LAMC3: variants seen among roughly 807,000 people sequenced by gnomAD.
The protein encoded by LAMC3 is laminin subunit gamma-3.
Under a neutral mutation model 173.8 loss-of-function variants are expected in LAMC3, and 128 were observed. That is an observed-to-expected ratio of 0.74 (90% CI 0.64 to 0.85). The LOEUF (loss-of-function observed/expected upper bound fraction) is 0.85. Ranked by LOEUF, LAMC3 falls within the 40% of genes least tolerant of loss-of-function variation. The pLI is 0.00. For missense variants in LAMC3, 2,022 were observed against 2,156.0 expected, an observed-to-expected ratio of 0.94 and a Z score of 1.23; for synonymous variants, 897 against 909.1, an observed-to-expected ratio of 0.99 and a Z score of 0.24.
At chr9:131,063,695 G>A (rs1465439757) in intron 13 of LAMC3, among the ~76,000 whole-genome samples, 1 of 152,156 alleles carries the variant, frequency 6.6e-6, no homozygotes, top group African/African-American at 2.4e-5. Flanking sequence ...CCTGCCCTAT[G>A]AGCTGTCCTC....
At chr9:131,084,570 C>T (rs1258174863) in intron 24 of LAMC3, among the ~76,000 whole-genome samples, 1 of 151,944 alleles carries the variant, frequency 6.6e-6, no homozygotes, top group African/African-American at 2.4e-5. Flanking sequence ...AAGAAATAAA[C>T]TACTTCTTAT....
chr9:131,069,575 C>T, intron 16 of LAMC3, 97 bp from the exon 17 acceptor site: 3 of 1,297,598 alleles, frequency 2.3e-6, no homozygotes, highest in Non-Finnish European at 3.3e-6. Flanking sequence ...TGGGAACACC[C>T]AGAACCCAGC....
At chr9:131,064,900 G>A (rs866306701) in intron 13 of LAMC3, among the ~76,000 whole-genome samples, 1 of 151,946 alleles carries the variant, frequency 6.6e-6, no homozygotes, top group Admixed American at 6.6e-5. Flanking sequence ...AATTAGCTGG[G>A]TGTGGTGGTG....
In LAMC3 at chr9:131,091,871, A is replaced by T; in HGVS notation, c.*84A>T. On this transcript the variant is annotated 3_prime_UTR_variant, in exon 28 of 28. Transcript: ENST00000361069. The stretch of plus-strand genomic sequence containing the variant: ...TGCACACTACCCCACAGGTGTGCCC[A>T]TACAGACATTCCCCGGAGCCGGCTG... 1 of 1,525,524 alleles carries T rather than the reference A, an allele frequency of 6.6e-7. No homozygotes were observed. Among genetic ancestry groups the T allele is most frequent in the South Asian group, 1.2e-5 (1 of 86,754 alleles). 94.5% of individuals were successfully genotyped at this position (1,525,524 alleles called of 1,614,324 possible). A position where few individuals can be genotyped will look rare whatever the true frequency, so the allele number is the denominator to read the frequency against.
At chr9:131,053,255 G>T (rs1834335275) in intron 11 of LAMC3, among the ~76,000 whole-genome samples, 1 of 152,126 alleles carries the variant, frequency 6.6e-6, no homozygotes, top group Non-Finnish European at 1.5e-5. Flanking sequence ...AGACCCGCTG[G>T]GTGTGCTCAC....
chr9:131,069,179 C>A, intron 16 of LAMC3, 129 bp downstream of exon 16: 3 of 1,084,982 alleles, frequency 2.8e-6, no homozygotes, highest in Non-Finnish European at 2.7e-6. Flanking sequence ...GTCCCGAGAG[C>A]AGCCGGAAGC....
At chr9:131,045,245 AC>A (rs1383807533) in intron 7 of LAMC3, among the ~76,000 whole-genome samples, 9 of 149,866 alleles carry the variant, frequency 6.0e-5, no homozygotes, top group African/African-American at 2.3e-4. Context: ...AACAACAACA[AC>A]AAAAAAACAA....
At chr9:131,020,044 G>C (rs956034553) in intron 1 of LAMC3, among the ~76,000 whole-genome samples, 1 of 152,116 alleles carries the variant, frequency 6.6e-6, no homozygotes, top group South Asian at 2.1e-4. Flanking sequence ...AGCTCAGTAC[G>C]AAGAGGCTTA....
chr9:131,044,767 C>G (rs947926289), intron 7 of LAMC3, among the ~76,000 whole-genome samples: 7 of 152,184 alleles, frequency 4.6e-5, no homozygotes, highest in African/African-American at 1.7e-4. Flanking sequence ...TCTAAAAATA[C>G]CTGATCAGTG....
At chr9:131,085,068 C>T (rs1830307037) in intron 24 of LAMC3, among the ~76,000 whole-genome samples, 1 of 152,144 alleles carries the variant, frequency 6.6e-6, no homozygotes, top group Admixed American at 6.6e-5. Context: ...TCTCCCTCTC[C>T]TCTGTCCTTC....
intron 3 of LAMC3, among the ~76,000 whole-genome samples, chr9:131,032,555 T>G (rs1833851376): frequency 8.1e-6 from 1 of 123,632 alleles, no homozygotes; most frequent in African/African-American, 5.0e-5. Context: ...TTGCTCTCTC[T>G]CGCTCTCTCT....
chr9:131,056,269 G>A (rs4740400), intron 11 of LAMC3, among the ~76,000 whole-genome samples: 98,035 of 151,888 alleles, frequency 0.65, 32,092 homozygotes, highest in Non-Finnish European at 0.7. Context: ...CCTAAATGTA[G>A]CATTCAGTTA....
chr9:131,045,221 CAAA>C (rs58637956), intron 7 of LAMC3, among the ~76,000 whole-genome samples: 4 of 112,000 alleles, frequency 3.6e-5, no homozygotes, highest in African/African-American at 1.2e-4. Context: ...GACTCTGTCT[CAAA>C]AAAAAAAAAA....
intron 27 of LAMC3, 74 bp downstream of exon 27, chr9:131,087,891 A>G (rs1830359932): frequency 6.0e-6 from 7 of 1,157,970 alleles, no homozygotes; most frequent in Non-Finnish European, 9.0e-6. Context: ...TGTGAGCTCC[A>G]GTCCTGGGGA....
chr9:131,079,119 GC>G (rs1830188491), intron 22 of LAMC3, 29 bp from the exon 23 acceptor site: 3 of 1,608,738 alleles, frequency 1.9e-6, no homozygotes, highest in Non-Finnish European at 2.5e-6. Context: ...TCCTTTCCAG[GC>G]CCTGCCTGAG....
At position 131,061,048 on chromosome 9, in the gene LAMC3, C is replaced by T. The variant is rs780636261; in HGVS notation, c.2172C>T (p.Cys724=). 12 of 1,614,104 alleles carry T rather than the reference C, an allele frequency of 7.4e-6. No homozygotes were observed. The East Asian group carries it at 2.5e-4, about 33-fold the overall frequency. ...TCDPNTGICV[C]SHHTEGPSCE... is the part of the protein sequence containing the mutation. The stretch of plus-strand genomic sequence containing the variant: ...CTTGCCCCTCAGGGATCTGTGTCTG[C>T]AGCCACCATACCGAGGGCCCATCCT... The change falls in exon 13 of 28, where the codon TGC becomes TGT. Residue 724 remains cysteine (C), a synonymous_variant. Coordinates refer to ENST00000361069, the MANE Select transcript of LAMC3 (RefSeq NM_006059.4).
chr9:131,036,145 C>T (rs375158547), intron 3 of LAMC3, 21 bp from the exon 4 acceptor site: 201 of 1,612,810 alleles, frequency 1.2e-4, no homozygotes, highest in Non-Finnish European at 1.6e-4. Flanking sequence ...GGTCCCCTTC[C>T]TCCTCTGTGT....
intron 2 of LAMC3, among the ~76,000 whole-genome samples, chr9:131,031,343 G>A (rs1833819477): frequency 6.6e-6 from 1 of 152,230 alleles, no homozygotes; most frequent in South Asian, 2.1e-4. Context: ...TGGGGAAGCT[G>A]CTCATTCAGG....
chr9:131,060,778 C>T (rs1378196071), intron 12 of LAMC3, among the ~76,000 whole-genome samples: 1 of 152,104 alleles, frequency 6.6e-6, no homozygotes, highest in Non-Finnish European at 1.5e-5. Context: ...TGGTTGTTCC[C>T]ATTTTGCAGA....
Sources: allele counts gnomAD v4.1 joint callset (sites outside exome capture counted in the v4.1 genomes callset), GRCh38; gene constraint gnomAD v4.1.1; transcripts MANE v1.5; gene names NCBI Gene and HGNC (gene_info 2026-07-23, HGNC 2026-07-21).